KIF26B: variants seen among roughly 807,000 people sequenced by gnomAD.
KIF26B encodes the protein kinesin family member 26B.
Under a neutral mutation model 151.2 loss-of-function variants are expected in KIF26B, and 63 were observed. That is an observed-to-expected ratio of 0.42 (90% confidence interval 0.34 to 0.51). KIF26B has a LOEUF of 0.51. Among genes scored for constraint, KIF26B ranks in the 20% least tolerant of loss-of-function variants. The pLI, the probability that KIF26B is intolerant of heterozygous loss-of-function variation, is 0.07. For missense variants in KIF26B, 2,813 were observed against 2,913.6 expected (o/e 0.97, Z 0.79); for synonymous variants, 1,357 against 1,262.1 (o/e 1.08, Z -1.59).
chr1:245,367,126 C>T lies in KIF26B; in HGVS notation c.758C>T (p.Ala253Val). 6.3e-7 allele frequency: 1 copy of T among 1,596,840 alleles called. No individual in the cohort carries two copies. The highest frequency in any genetic ancestry group is 8.5e-7 in the Non-Finnish European group (1 of 1,171,678). ...TGGGCCTTTGTGCCCGCCCCCTGTG[C>T]CACCTCCAACTACACAGGCTTCGCC... ...RDWAFVPAPCATSNYTGFANK... is the reference protein window; with the variant it reads ...RDWAFVPAPCVTSNYTGFANK... The change falls in exon 3 of 15, where the codon GCC becomes GTC. Residue 253 changes from alanine to valine, a missense_variant. Transcript: ENST00000407071. The surrounding 1 kb of genome is among the most constrained non-coding windows in gnomAD (Gnocchi z 4.2).
At chr1:245,346,203 A>G (rs915871882) in intron 2 of KIF26B, among the ~76,000 whole-genome samples, 1 of 152,030 alleles carries the variant, frequency 6.6e-6, no homozygotes, top group South Asian at 2.1e-4. Context: ...TCGGCCTCCC[A>G]AAGTGCTGGG....
rs565838340 is a variant in KIF26B at position 245,171,498 on chromosome 1, C to T, written c.465+14815C>T. Among the ~76,000 whole-genome samples, 88 of 152,148 alleles carry T rather than the reference C, an allele frequency of 5.8e-4. 1 individual carries two copies. Among genetic ancestry groups the T allele is most frequent in the South Asian group, 3.5e-3 (17 of 4,818 alleles). Reference sequence around the variant, plus strand: ...GGTGGAGGTTGCAGTGAGCTGAGATCGCGCCATTGCACTCCAGCCTAGGCG... The same window carrying T: ...GGTGGAGGTTGCAGTGAGCTGAGATTGCGCCATTGCACTCCAGCCTAGGCG... On this transcript the variant is annotated intron_variant, in intron 2 of 14. Coordinates refer to ENST00000407071, the MANE Select transcript of KIF26B (RefSeq NM_018012.4).
intron 1 of KIF26B, 137 bp from the exon 2 acceptor site, chr1:245,156,145 C>T (rs1349004526): frequency 1.2e-5 from 16 of 1,308,514 alleles, no homozygotes; most frequent in African/African-American, 1.6e-5. Flanking sequence ...GCAATTTGGC[C>T]GCAGGGCTTG....
At chr1:245,411,452 T>C (rs967719021) in intron 3 of KIF26B, among the ~76,000 whole-genome samples, 1 of 152,162 alleles carries the variant, frequency 6.6e-6, no homozygotes, top group Admixed American at 6.5e-5. Context: ...TTAGGAGGCA[T>C]CCCAGTGCTT....
At chr1:245,370,588 C>T (rs767261245) in intron 3 of KIF26B, 1 of 456,616 alleles carries the variant, frequency 2.2e-6, no homozygotes, top group Non-Finnish European at 4.4e-6. Flanking sequence ...CTCCGAAGCT[C>T]TTGTCACACG....
At chr1:245,535,818 T>C (rs1379310796) in intron 4 of KIF26B, among the ~76,000 whole-genome samples, 6 of 152,222 alleles carry the variant, frequency 3.9e-5, no homozygotes, top group African/African-American at 1.4e-4. Context: ...ACTTATTATT[T>C]ATTATATTCT....
chr1:245,562,023 G>C (rs749504592), intron 5 of KIF26B, among the ~76,000 whole-genome samples: 1 of 152,138 alleles, frequency 6.6e-6, no homozygotes, highest in African/African-American at 2.4e-5. Flanking sequence ...GATTGCAGCT[G>C]TTTCATACCC....
At chr1:245,607,357 T>G (rs2043467123) in intron 6 of KIF26B, among the ~76,000 whole-genome samples, 1 of 152,198 alleles carries the variant, frequency 6.6e-6, no homozygotes, top group Non-Finnish European at 1.5e-5. Context: ...ATGAGCACAC[T>G]GTGCCCCCAT....
intron 2 of KIF26B, among the ~76,000 whole-genome samples, chr1:245,253,777 T>C (rs2103566323): frequency 6.7e-6 from 1 of 150,132 alleles, no homozygotes; most frequent in South Asian, 2.1e-4. Context: ...TAAATTTTCC[T>C]GTCTATAGAC....
chr1:245,338,673 G>A (rs1672280505), intron 2 of KIF26B, among the ~76,000 whole-genome samples: 1 of 152,178 alleles, frequency 6.6e-6, no homozygotes, highest in Non-Finnish European at 1.5e-5. Flanking sequence ...TTAGCTCTGA[G>A]TCTTTTCTGC....
At chr1:245,224,304 T>C (rs1317885773) in intron 2 of KIF26B, among the ~76,000 whole-genome samples, 2 of 141,398 alleles carry the variant, frequency 1.4e-5, no homozygotes. Context: ...AAAAAAAAAA[T>C]TCTGTATGAT....
intron 3 of KIF26B, among the ~76,000 whole-genome samples, chr1:245,393,447 T>G (rs1020965983): frequency 4.6e-5 from 7 of 152,162 alleles, no homozygotes; most frequent in Non-Finnish European, 8.8e-5. Context: ...TTGTTTCTCC[T>G]TCCGCAAAGA....
At chr1:245,254,000 T>C (rs12021898) in intron 2 of KIF26B, among the ~76,000 whole-genome samples, 32,659 of 151,486 alleles carry the variant, frequency 0.22, 4,097 homozygotes, top group African/African-American at 0.34. Flanking sequence ...TTAGTAGAGA[T>C]GGGGTTTCAC....
intron 4 of KIF26B, among the ~76,000 whole-genome samples, chr1:245,497,940 C>T (rs1572092584): frequency 3.3e-5 from 5 of 152,226 alleles, no homozygotes; most frequent in Admixed American, 3.3e-4. Flanking sequence ...GACAGGGTTT[C>T]ACCTTGTTGG....
At chr1:245,656,307 T>C (rs1331922991) in intron 10 of KIF26B, among the ~76,000 whole-genome samples, 2 of 152,290 alleles carry the variant, frequency 1.3e-5, no homozygotes, top group Non-Finnish European at 2.9e-5. Flanking sequence ...CCACTCATTC[T>C]CTACTCACGC....
intron 4 of KIF26B, among the ~76,000 whole-genome samples, chr1:245,471,854 C>T (rs1034099498): frequency 9.9e-5 from 15 of 151,596 alleles, no homozygotes; most frequent in Non-Finnish European, 2.2e-4. Flanking sequence ...TGCAATGGCA[C>T]GATCTCGGCT....
At chr1:245,284,315 T>C (rs1671127817) in intron 2 of KIF26B, among the ~76,000 whole-genome samples, 1 of 152,212 alleles carries the variant, frequency 6.6e-6, no homozygotes, top group South Asian at 2.1e-4. Flanking sequence ...TATAATTTTA[T>C]CTCTGGGGAA....
intron 2 of KIF26B, among the ~76,000 whole-genome samples, chr1:245,220,536 G>C (rs1669745210): frequency 6.6e-6 from 1 of 152,110 alleles, no homozygotes; most frequent in Non-Finnish European, 1.5e-5. Flanking sequence ...GGTGGAGAGT[G>C]CGCCTCACTA....
chr1:245,205,638 G>T (rs1413789377), intron 2 of KIF26B, among the ~76,000 whole-genome samples: 1 of 152,002 alleles, frequency 6.6e-6, no homozygotes, highest in African/African-American at 2.4e-5. Flanking sequence ...TGATGTTCCT[G>T]CCACAGGATT....
Sources: gnomAD v4.1 joint callset for allele counts (sites outside exome capture counted in the v4.1 genomes callset) on GRCh38, gnomAD v4.1.1 for gene constraint, Gnocchi (gnomAD v3.1) non-coding constraint, MANE v1.5 for transcripts, NCBI Gene and HGNC (gene_info 2026-07-23, HGNC 2026-07-21) for gene names.